The following STRN variants were observed in gnomAD, a reference collection of about 807,000 sequenced individuals.
STRN encodes the protein protein phosphatase 2 regulatory subunit B'''alpha.
STRN carries 53 observed loss-of-function variants against 96.3 expected under a neutral mutation model. The ratio of observed to expected loss-of-function variants is 0.55; its 90% CI spans 0.44 to 0.69. The LOEUF is 0.69. Ranked by LOEUF, STRN falls within the 30% of genes least tolerant of loss-of-function variation. The pLI, the probability that STRN is intolerant of heterozygous loss-of-function variation, is 0.00. For synonymous variants in STRN, 428 were observed against 355.9 expected (o/e 1.20, Z -2.28); for missense variants, 987 against 963.9 (o/e 1.02, Z -0.32).
At chr2:36,882,558 G>C (rs556371230) in intron 9 of STRN, among the ~76,000 whole-genome samples, 2 of 152,228 alleles carry the variant, frequency 1.3e-5, no homozygotes, top group East Asian at 1.9e-4. Flanking sequence ...CTTGAGCCCA[G>C]GAGTTTGAGA....
intron 1 of STRN, among the ~76,000 whole-genome samples, chr2:36,925,498 C>T (rs547234773): frequency 1.3e-5 from 2 of 152,208 alleles, no homozygotes; most frequent in East Asian, 3.9e-4. Context: ...CTAATATTGC[C>T]GGATGCGGTG....
Position 36,922,518 on chromosome 2 carries a change from C to CAA in STRN, c.338+2585_338+2586dup, listed in dbSNP as rs749446955. Among the ~76,000 whole-genome samples the CAA allele has an allele frequency of 1.5e-3, 134 of 91,084 alleles. 1 individual carries two copies. The highest frequency in any genetic ancestry group is 6.4e-3 in the Middle Eastern group (1 of 156). The allele number at this position is 91,084 out of a possible 152,430, so 59.8% of individuals were successfully genotyped here. A position where few individuals can be genotyped will look rare whatever the true frequency, so the allele number is the denominator to read the frequency against. ...TAGGCAACAGAGCAAGACCCTGTCT[C>CAA]AAAAAAAAAAAAAAAAAAAAAAATT... On this transcript the variant is annotated intron_variant, in intron 2 of 17. Transcript: ENST00000263918.
intron 12 of STRN, among the ~76,000 whole-genome samples, chr2:36,866,051 G>A (rs1402661245): frequency 6.6e-6 from 1 of 152,058 alleles, no homozygotes; most frequent in Non-Finnish European, 1.5e-5. Context: ...GTATGGTTTT[G>A]AGCAATCTTG....
chr2:36,865,720 C>G (rs192345951), intron 12 of STRN, among the ~76,000 whole-genome samples: 3 of 152,184 alleles, frequency 2.0e-5, no homozygotes, highest in Non-Finnish European at 2.9e-5. Context: ...CGCCACCGCA[C>G]TCAGCTAGTT....
chr2:36,883,288 C>G (rs972712058), intron 9 of STRN, among the ~76,000 whole-genome samples: 1 of 151,782 alleles, frequency 6.6e-6, no homozygotes, highest in Non-Finnish European at 1.5e-5. Flanking sequence ...AACCCCATCT[C>G]TACTAAAAAT....
At chr2:36,907,895 A>C (rs1194540423) in intron 3 of STRN, among the ~76,000 whole-genome samples, 3 of 152,208 alleles carry the variant, frequency 2.0e-5, no homozygotes, top group Non-Finnish European at 2.9e-5. Context: ...TACCAAAGAA[A>C]CAGACTGGAA....
rs183447264 is a variant in STRN, at chr2:36,898,061, G to C, written c.795+1462C>G. ...ATGTTGTTTACTTAAAAAGACAACAGTCTATGGTTTAGGAATTTCTAGTAA... is the reference window on the plus strand; with the variant it reads ...ATGTTGTTTACTTAAAAAGACAACACTCTATGGTTTAGGAATTTCTAGTAA... On this transcript the variant is annotated intron_variant, in intron 6 of 17. Coordinates refer to ENST00000263918, the MANE Select transcript of STRN (RefSeq NM_003162.4). Among the ~76,000 whole-genome samples the C allele has an allele frequency of 5.2e-3, 798 of 152,236 alleles. 6 individuals carry two copies. Among genetic ancestry groups the C allele is most frequent in the African/African-American group, 0.018 (742 of 41,564 alleles).
chr2:36,878,092 C>A, intron 9 of STRN, 65 bp from the exon 10 acceptor site: 1 of 1,573,586 alleles, frequency 6.4e-7, no homozygotes, highest in Non-Finnish European at 8.6e-7. Context: ...GTCTCATTTG[C>A]TTGCATCAAA....
At position 36,847,126 on chromosome 2, in the gene STRN, T is replaced by TGCCA. The variant is rs1668098756; in HGVS notation, c.*2326_*2329dup. ...AGAAGACTCTCTCCGTAGTCTCCAA[T>TGCCA]GCCACAGCACTGGCTTTCTAAGGAA... On this transcript the variant is annotated 3_prime_UTR_variant, in exon 18 of 18. Transcript: ENST00000263918. 1 of 152,168 alleles carries TGCCA rather than the reference T, an allele frequency of 6.6e-6. No homozygotes were observed. The highest frequency in any genetic ancestry group is 6.6e-5 in the Admixed American group (1 of 15,258). 9.4% of individuals were successfully genotyped at this position (152,168 alleles called of 1,614,324 possible). A position where few individuals can be genotyped will look rare whatever the true frequency, so the allele number is the denominator to read the frequency against.
intron 9 of STRN, among the ~76,000 whole-genome samples, chr2:36,881,714 A>C (rs1669075383): frequency 6.6e-6 from 1 of 152,230 alleles, no homozygotes; most frequent in Non-Finnish European, 1.5e-5. Flanking sequence ...TCTGTGGCTT[A>C]CATAATGCTT....
chr2:36,884,793 C>T (rs1669168029), intron 8 of STRN, among the ~76,000 whole-genome samples: 1 of 151,912 alleles, frequency 6.6e-6, no homozygotes, highest in Non-Finnish European at 1.5e-5. Context: ...ATTGAAAAGA[C>T]TCAAACTTTT....
intron 1 of STRN, among the ~76,000 whole-genome samples, chr2:36,950,076 T>C (rs1485570264): frequency 1.3e-5 from 2 of 151,508 alleles, no homozygotes; most frequent in African/African-American, 4.9e-5. Flanking sequence ...TAAAAAAAAC[T>C]GAAGGTAGTA....
At position 36,849,265 on chromosome 2, in the gene STRN, C is replaced by G. The variant is rs1336198886; in HGVS notation, c.*191G>C. The G allele has an allele frequency of 6.3e-6, 4 of 632,924 alleles. No individual in the cohort carries two copies. Among genetic ancestry groups the G allele is most frequent in the Non-Finnish European group, 5.2e-6 (2 of 386,484 alleles). 39.2% of individuals were successfully genotyped at this position (632,924 alleles called of 1,614,324 possible). ...AGGCTCACAGATTCAGCTGAGCTTG[C>G]AGCAACCTGAACAAACCTTAGTTTT... On this transcript the variant is annotated 3_prime_UTR_variant, in exon 18 of 18. Transcript: ENST00000263918.
Position 36,936,880 on chromosome 2 carries a change from CAT to C in STRN, c.235-11674_235-11673del, listed in dbSNP as rs1371453970. Among the ~76,000 whole-genome samples, 69 of 152,282 alleles carry C rather than the reference CAT, an allele frequency of 4.5e-4. 1 individual carries two copies. Among genetic ancestry groups the C allele is most frequent in the Admixed American group, 3.7e-3 (57 of 15,288 alleles). On this transcript the variant is annotated intron_variant, in intron 1 of 17. Transcript: ENST00000263918. ...TTGTTGCTGAATTTTCAGAATAAAG[CAT>C]GTGTGTTAAAATTCTCCTTCTGAAA...
chr2:36,904,094 A>G (rs1350083893), intron 4 of STRN, among the ~76,000 whole-genome samples: 1 of 152,150 alleles, frequency 6.6e-6, no homozygotes, highest in African/African-American at 2.4e-5. Flanking sequence ...TTATGAAATC[A>G]TTTTTTGTTT....
At chr2:36,911,923 T>G (rs781782316) in intron 3 of STRN, among the ~76,000 whole-genome samples, 20 of 152,180 alleles carry the variant, frequency 1.3e-4, no homozygotes, top group Non-Finnish European at 2.5e-4. Context: ...TGTTTACCAT[T>G]AGCATTTTAA....
Position 36,843,811 on chromosome 2 carries a change from C to T in STRN, c.*5645G>A, listed in dbSNP as rs1047938150. ...CTATAGCATGTTATCTATATTTGTA[C>T]ACTTTATTTAAAAACAAATAATACA... On this transcript the variant is annotated 3_prime_UTR_variant, in exon 18 of 18. Coordinates refer to ENST00000263918, the MANE Select transcript of STRN (RefSeq NM_003162.4). 2 of 152,104 alleles carry T rather than the reference C, an allele frequency of 1.3e-5. No individual in the cohort carries two copies. The highest frequency in any genetic ancestry group is 4.8e-5 in the African/African-American group (2 of 41,424). The allele number at this position is 152,104 out of a possible 1,614,324, so 9.4% of individuals were successfully genotyped here. A position where few individuals can be genotyped will look rare whatever the true frequency, so the allele number is the denominator to read the frequency against.
At chr2:36,861,475 T>C (rs1296791492) in intron 12 of STRN, among the ~76,000 whole-genome samples, 1 of 152,148 alleles carries the variant, frequency 6.6e-6, no homozygotes, top group East Asian at 1.9e-4. Flanking sequence ...CTGGTCTGTT[T>C]CTGTACAGTC....
intron 12 of STRN, among the ~76,000 whole-genome samples, chr2:36,866,601 G>T (rs987503235): frequency 3.3e-5 from 5 of 152,132 alleles, no homozygotes; most frequent in Admixed American, 1.3e-4. Flanking sequence ...TTAGTTTTCT[G>T]CCTTGATGAT....
Sources: gnomAD v4.1 joint callset for allele counts (sites outside exome capture counted in the v4.1 genomes callset) on GRCh38, gnomAD v4.1.1 for gene constraint, MANE v1.5 for transcripts, NCBI Gene and HGNC (gene_info 2026-07-23, HGNC 2026-07-21) for gene names.